The following CTNNA3 variants were observed in gnomAD, a reference collection of about 807,000 sequenced individuals.
CTNNA3 encodes the protein catenin alpha 3.
In CTNNA3, 76 loss-of-function variants were observed where a neutral mutation model predicts 95.7. That is an observed-to-expected ratio of 0.79 (90% CI 0.66 to 0.96). CTNNA3 has a LOEUF of 0.96. Among genes scored for constraint, CTNNA3 ranks in the 40% least tolerant of loss-of-function variants. CTNNA3 has a pLI of 0.00. For missense variants in CTNNA3, 1,191 were observed against 1,089.8 expected (o/e 1.09, Z -1.31); for synonymous variants, 431 against 374.4 (o/e 1.15, Z -1.74).
At chr10:67,488,518 T>C (rs1848531422) in intron 5 of CTNNA3, among the ~76,000 whole-genome samples, 1 of 151,982 alleles carries the variant, frequency 6.6e-6, no homozygotes, top group Non-Finnish European at 1.5e-5. Context: ...TACAGGCACA[T>C]GCCACCAAGC....
At chr10:66,669,528 C>T (rs757227325) in intron 9 of CTNNA3, among the ~76,000 whole-genome samples, 15 of 151,500 alleles carry the variant, frequency 9.9e-5, no homozygotes, top group Non-Finnish European at 1.5e-4. Context: ...GGTGACAGAG[C>T]GAGACTTTTG....
intron 16 of CTNNA3, among the ~76,000 whole-genome samples, chr10:65,977,075 G>C (rs1374079900): frequency 1.3e-5 from 2 of 152,096 alleles, no homozygotes; most frequent in African/African-American, 2.4e-5. Context: ...CGGTCTCTAG[G>C]TTGGTAGAAC....
chr10:66,718,139 C>CTT (rs5785781), intron 9 of CTNNA3, among the ~76,000 whole-genome samples: 4,999 of 149,712 alleles, frequency 0.033, 88 homozygotes, highest in Middle Eastern at 0.062. Flanking sequence ...CTGTATTAAC[C>CTT]TTTTTTTTTT....
intron 5 of CTNNA3, among the ~76,000 whole-genome samples, chr10:67,381,125 G>A (rs1297672709): frequency 6.6e-6 from 1 of 152,018 alleles, no homozygotes; most frequent in Non-Finnish European, 1.5e-5. Flanking sequence ...ATGAACTGAA[G>A]ATCATTAAAG....
intron 5 of CTNNA3, among the ~76,000 whole-genome samples, chr10:67,433,147 T>C (rs1457066293): frequency 6.6e-6 from 1 of 152,052 alleles, no homozygotes; most frequent in Non-Finnish European, 1.5e-5. Context: ...CAACTCTTCC[T>C]TTCATTTGAA....
At chr10:67,526,687 G>T (rs1455335604) in intron 4 of CTNNA3, among the ~76,000 whole-genome samples, 2 of 152,122 alleles carry the variant, frequency 1.3e-5, no homozygotes, top group Non-Finnish European at 2.9e-5. Flanking sequence ...GTAAGAAACA[G>T]AGGAAAACAA....
intron 10 of CTNNA3, among the ~76,000 whole-genome samples, chr10:66,565,881 T>C (rs1355568771): frequency 6.6e-6 from 1 of 152,166 alleles, no homozygotes; most frequent in African/African-American, 2.4e-5. Flanking sequence ...CTATCTGGTG[T>C]TGCTTTTCAT....
chr10:66,593,958 GT>G (rs1359761153), intron 10 of CTNNA3, among the ~76,000 whole-genome samples: 1 of 150,580 alleles, frequency 6.6e-6, no homozygotes, highest in Non-Finnish European at 1.5e-5. Flanking sequence ...CCATCCAATG[GT>G]TTTAAATATC....
chr10:67,674,755 T>G (rs1181002713), intron 1 of CTNNA3, among the ~76,000 whole-genome samples: 1 of 152,166 alleles, frequency 6.6e-6, no homozygotes, highest in Non-Finnish European at 1.5e-5. Context: ...TATGAATTGC[T>G]TACTTGTATT....
chr10:66,503,589 C>T (rs10997203), intron 11 of CTNNA3, among the ~76,000 whole-genome samples: 9,375 of 152,124 alleles, frequency 0.062, 558 homozygotes, highest in East Asian at 0.31. Flanking sequence ...CTGCCTCAGC[C>T]TCCCTAGTAG....
At chr10:66,790,968 C>T (rs115002806) in intron 7 of CTNNA3, among the ~76,000 whole-genome samples, 2,246 of 152,222 alleles carry the variant, frequency 0.015, 53 homozygotes, top group African/African-American at 0.045. Context: ...CCTTTACCAT[C>T]GCCATTACCT....
At chr10:66,131,857 G>T (rs1290336780) in intron 13 of CTNNA3, among the ~76,000 whole-genome samples, 1 of 152,118 alleles carries the variant, frequency 6.6e-6, no homozygotes, top group African/African-American at 2.4e-5. Flanking sequence ...ATGTGCAGAA[G>T]ACTGAAACTG....
chr10:66,090,394 G>C (rs538243510), intron 14 of CTNNA3, among the ~76,000 whole-genome samples: 1 of 152,024 alleles, frequency 6.6e-6, no homozygotes, highest in African/African-American at 2.4e-5. Flanking sequence ...CCGTGATAGT[G>C]GTGGTGGTGG....
intron 3 of CTNNA3, among the ~76,000 whole-genome samples, chr10:67,585,776 A>G (rs1444912815): frequency 1.3e-5 from 2 of 151,714 alleles, no homozygotes; most frequent in Admixed American, 1.3e-4. Context: ...CAAAAAACCA[A>G]CCTTTTGTTT....
At chr10:66,734,054 G>C (rs1346251683) in intron 9 of CTNNA3, among the ~76,000 whole-genome samples, 1 of 151,564 alleles carries the variant, frequency 6.6e-6, no homozygotes, top group African/African-American at 2.4e-5. Flanking sequence ...CTTATATCAA[G>C]ATGTTAACCA....
intron 7 of CTNNA3, among the ~76,000 whole-genome samples, chr10:67,014,142 A>G (rs960347288): frequency 1.6e-4 from 24 of 152,176 alleles, no homozygotes; most frequent in Non-Finnish European, 2.6e-4. Flanking sequence ...TGCACTAATC[A>G]TTTCACTAGA....
intron 5 of CTNNA3, among the ~76,000 whole-genome samples, chr10:67,242,977 T>G (rs910637577): frequency 1.3e-5 from 2 of 152,238 alleles, no homozygotes; most frequent in Non-Finnish European, 2.9e-5. Context: ...TTCCAGCATT[T>G]TCTTATTTGA....
intron 16 of CTNNA3, among the ~76,000 whole-genome samples, chr10:65,982,991 G>T (rs1264104612): frequency 6.6e-6 from 1 of 151,482 alleles, no homozygotes; most frequent in Non-Finnish European, 1.5e-5. Flanking sequence ...CAGCCTCCAA[G>T]AATATTTTGT....
chr10:66,244,844 T>C (rs1215234194), intron 13 of CTNNA3, among the ~76,000 whole-genome samples: 1 of 152,208 alleles, frequency 6.6e-6, no homozygotes, highest in Non-Finnish European at 1.5e-5. Context: ...GATGAACATT[T>C]ACAAGCATTG....
Sources: gnomAD v4.1 joint callset for allele counts (sites outside exome capture counted in the v4.1 genomes callset) on GRCh38, gnomAD v4.1.1 for gene constraint, MANE v1.5 for transcripts, NCBI Gene and HGNC (gene_info 2026-07-23, HGNC 2026-07-21) for gene names.